Variants in SYNDIG1L observed in about 807,000 individuals in gnomAD.
The protein encoded by SYNDIG1L is synapse differentiation inducing 1 like.
A neutral mutation model predicts 20.1 loss-of-function variants in SYNDIG1L; 13 were observed. The observed-to-expected ratio is 0.65, with a 90% CI of 0.42 to 1.03. The LOEUF (loss-of-function observed/expected upper bound fraction) is 1.03, where lower values mean the gene tolerates loss of function less well. SYNDIG1L is among the 50% of genes least tolerant of loss of function. The pLI, the probability that SYNDIG1L is intolerant of heterozygous loss-of-function variation, is 0.00. For missense variants in SYNDIG1L, 294 were observed against 305.1 expected, an observed-to-expected ratio of 0.96 and a Z score of 0.27; for synonymous variants, 128 against 129.3, an observed-to-expected ratio of 0.99 and a Z score of 0.07.
chr14:74,454,394 A>G, the SYNDIG1L span, among the ~76,000 whole-genome samples: 6 of 152,214 alleles, frequency 3.9e-5, no homozygotes, highest in Non-Finnish European at 8.8e-5. Context: ...TCAAAGGAGA[A>G]CTGCCAGGTC....
chr14:74,452,606 C>T, the SYNDIG1L span, among the ~76,000 whole-genome samples: 3 of 152,162 alleles, frequency 2.0e-5, no homozygotes, highest in African/African-American at 4.8e-5. Context: ...TGCCCAGTCT[C>T]GGGTATGTCT....
chr14:74,453,789 C>CA, the SYNDIG1L span, among the ~76,000 whole-genome samples: 1 of 151,830 alleles, frequency 6.6e-6, no homozygotes, highest in African/African-American at 2.4e-5. Context: ...TCCGTCTCTA[C>CA]AAAAAACAAA....
chr14:74,424,604 C>T (rs981023599), intron 1 of SYNDIG1L, among the ~76,000 whole-genome samples: 4 of 152,144 alleles, frequency 2.6e-5, no homozygotes, highest in African/African-American at 9.7e-5. Flanking sequence ...AGGGAGGGCA[C>T]ACTTTTTTCT....
chr14:74,444,690 G>A, the SYNDIG1L span, among the ~76,000 whole-genome samples: 1 of 152,042 alleles, frequency 6.6e-6, no homozygotes, highest in African/African-American at 2.4e-5. Flanking sequence ...GGCGGAGATT[G>A]CAGCGAGTCA....
At position 74,416,022 on chromosome 14, in the gene SYNDIG1L, A is replaced by G. The variant is rs199721437; in HGVS notation, c.-57-6221T>C. The stretch of plus-strand genomic sequence containing the variant: ...TTCCACTTATTTGAAAGTCTAGGAA[A>G]GGCAAAACTATAGCGACAGAAAGCA... On this transcript the variant is annotated intron_variant, in intron 1 of 3. Coordinates refer to ENST00000331628, the MANE Select transcript of SYNDIG1L (RefSeq NM_001105579.2). Among the ~76,000 whole-genome samples, 3 of 152,176 alleles carry G rather than the reference A, an allele frequency of 2.0e-5. No individual in the cohort carries two copies. The East Asian group carries it at 5.8e-4, about 29-fold the overall frequency.
the SYNDIG1L span, among the ~76,000 whole-genome samples, chr14:74,431,643 T>C: frequency 6.6e-6 from 1 of 152,172 alleles, no homozygotes; most frequent in East Asian, 1.9e-4. Context: ...AAAGCTGATT[T>C]TTTCCCCCAC....
the SYNDIG1L span, among the ~76,000 whole-genome samples, chr14:74,437,066 C>T: frequency 3.9e-5 from 6 of 152,162 alleles, no homozygotes; most frequent in Admixed American, 3.3e-4. Context: ...ATTTCTATCC[C>T]TTGTACCTAG....
chr14:74,464,530 C>T, the SYNDIG1L span, among the ~76,000 whole-genome samples: 30 of 152,150 alleles, frequency 2.0e-4, no homozygotes, highest in Non-Finnish European at 4.0e-4. Context: ...AAATGCATTG[C>T]TCTGGGAGAC....
chr14:74,439,417 T>G, the SYNDIG1L span, among the ~76,000 whole-genome samples: 2 of 152,192 alleles, frequency 1.3e-5, no homozygotes, highest in Non-Finnish European at 2.9e-5. Flanking sequence ...GTGCCTGCAT[T>G]GCTTCTCTCT....
chr14:74,416,654 CAAA>C (rs770990276), intron 1 of SYNDIG1L, among the ~76,000 whole-genome samples: 3 of 151,718 alleles, frequency 2.0e-5, no homozygotes, highest in Admixed American at 2.0e-4. Context: ...ACAAACCAAA[CAAA>C]CAAACAAACA....
chr14:74,408,780 G>A (rs1232609401), intron 2 of SYNDIG1L, among the ~76,000 whole-genome samples: 1 of 152,076 alleles, frequency 6.6e-6, no homozygotes, highest in East Asian at 1.9e-4. Flanking sequence ...TGGGGAGTGG[G>A]CTGGGGGAAA....
chr14:74,414,368 C>T (rs917279686), intron 1 of SYNDIG1L, among the ~76,000 whole-genome samples: 3 of 152,154 alleles, frequency 2.0e-5, no homozygotes, highest in African/African-American at 7.2e-5. Flanking sequence ...CTGGGTCCCA[C>T]AATGGGAGAG....
chr14:74,462,872 C>T, the SYNDIG1L span, among the ~76,000 whole-genome samples: 32 of 152,132 alleles, frequency 2.1e-4, no homozygotes, highest in Admixed American at 3.3e-4. Context: ...TGGAATGTAA[C>T]CCCCTCATGG....
the SYNDIG1L span, among the ~76,000 whole-genome samples, chr14:74,451,724 G>A: frequency 6.6e-6 from 1 of 152,150 alleles, no homozygotes; most frequent in Admixed American, 6.5e-5. Flanking sequence ...GGGTACGGTG[G>A]CTCATGCCTG....
the SYNDIG1L span, among the ~76,000 whole-genome samples, chr14:74,473,467 C>A: frequency 1.3e-5 from 2 of 152,042 alleles, no homozygotes; most frequent in African/African-American, 2.4e-5. Context: ...AAATAAAGAC[C>A]TAGTACATGA....
At chr14:74,433,770 C>G in the SYNDIG1L span, among the ~76,000 whole-genome samples, 1 of 152,160 alleles carries the variant, frequency 6.6e-6, no homozygotes, top group Non-Finnish European at 1.5e-5. Flanking sequence ...ATATAATTTA[C>G]CCAAGGTTTT....
the SYNDIG1L span, among the ~76,000 whole-genome samples, chr14:74,440,584 CTAAGGCAGGAGA>C: frequency 6.7e-6 from 1 of 149,418 alleles, no homozygotes; most frequent in African/African-American, 2.5e-5. Flanking sequence ...ACTCGGGAGG[CTAAGGCAGGAGA>C]ATGGCGTGAA....
chr14:74,456,371 T>C, the SYNDIG1L span, among the ~76,000 whole-genome samples: 1 of 151,948 alleles, frequency 6.6e-6, no homozygotes, highest in Non-Finnish European at 1.5e-5. Flanking sequence ...CTCTACTAAA[T>C]ACAAAAAAAT....
At chr14:74,410,232 T>G (rs899566271) in intron 1 of SYNDIG1L, among the ~76,000 whole-genome samples, 8 of 152,168 alleles carry the variant, frequency 5.3e-5, no homozygotes, top group Non-Finnish European at 8.8e-5. Context: ...CATGTAAGCA[T>G]GCACAATGGA....
Sources: allele counts gnomAD v4.1 joint callset (sites outside exome capture counted in the v4.1 genomes callset), GRCh38; gene constraint gnomAD v4.1.1; transcripts MANE v1.5; gene names NCBI Gene and HGNC (gene_info 2026-07-23, HGNC 2026-07-21).